The following PLB1 variants were observed in gnomAD, a reference collection of about 807,000 sequenced individuals.
PLB1 encodes phospholipase B1, also known as phospholipase B1, membrane-associated.
Under a neutral mutation model 227.4 loss-of-function variants are expected in PLB1, and 242 were observed. That is an observed-to-expected ratio of 1.06 (90% CI 0.96 to 1.18). The LOEUF is 1.18. PLB1 is among the 50% of genes most tolerant of loss of function. PLB1 has a pLI of 0.00. For synonymous variants in PLB1, 757 were observed against 682.2 expected, an observed-to-expected ratio of 1.11 and a Z score of -1.71; for missense variants, 1,858 against 1,816.3, an observed-to-expected ratio of 1.02 and a Z score of -0.42.
rs1359982489 is a variant in PLB1 at position 28,605,846 on chromosome 2, C to T, written c.2962-7C>T. The T allele has an allele frequency of 5.6e-6, 9 of 1,609,544 alleles. No individual in the cohort carries two copies. Among genetic ancestry groups the T allele is most frequent in the Non-Finnish European group, 7.7e-6 (9 of 1,175,972 alleles). ...GGATCTTGAGGGGGTATATTGGTCT[C>T]TTTCAGGATGGGCTCCCAGATACGT... On this transcript the variant is annotated splice_region_variant and splice_polypyrimidine_tract_variant and intron_variant, in intron 41 of 57. Coordinates refer to ENST00000327757, the MANE Select transcript of PLB1 (RefSeq NM_153021.5).
rs945919415 is a variant in PLB1, at chr2:28,566,900, C to A, written c.1324+61C>A. Reference sequence around the variant, plus strand: ...GGGCGGCCCCTGCACGCTTCCCGCTCCCCCTGCAGGTGGCGCGGGCCTCGG... The same window carrying A: ...GGGCGGCCCCTGCACGCTTCCCGCTACCCCTGCAGGTGGCGCGGGCCTCGG... On this transcript the variant is annotated intron_variant, in intron 20 of 57. Transcript: ENST00000327757. 37 of 1,592,054 alleles carry A rather than the reference C, an allele frequency of 2.3e-5. No individual in the cohort carries two copies. The African/African-American group carries it at 4.8e-4, about 21-fold the overall frequency.
chr2:28,507,353 T>C (rs1667748846), intron 1 of PLB1, among the ~76,000 whole-genome samples: 2 of 152,142 alleles, frequency 1.3e-5, no homozygotes, highest in African/African-American at 4.8e-5. Context: ...AGTACAAGAT[T>C]GAGGGGCTGG....
chr2:28,538,970 C>A, intron 10 of PLB1, 129 bp from the exon 11 acceptor site: 1 of 728,670 alleles, frequency 1.4e-6, no homozygotes, highest in Admixed American at 1.9e-5. Context: ...AAGGATCAGG[C>A]CCAGTTAACC....
Position 28,538,372 on chromosome 2 carries a change from G to T in PLB1, c.609G>T (p.Leu203=). The T allele has an allele frequency of 6.2e-7, 1 of 1,612,200 alleles. No homozygotes were observed. Among genetic ancestry groups the T allele is most frequent in the Non-Finnish European group, 8.5e-7 (1 of 1,179,808 alleles). ...VDELMGVLDY[L]QQEVPRAFVN... is the part of the protein sequence containing the mutation. ...AGCTGATGGGGGTGCTGGACTACCT[G>T]CAGCAGGAGGTGAGGCCACGGGCCT... The change falls in exon 10 of 58, where the codon CTG becomes CTT. Residue 203 remains leucine, a synonymous_variant. Coordinates refer to ENST00000327757, the MANE Select transcript of PLB1 (RefSeq NM_153021.5).
At chr2:28,629,695 C>A (rs1209870740) in intron 53 of PLB1, among the ~76,000 whole-genome samples, 2 of 152,216 alleles carry the variant, frequency 1.3e-5, no homozygotes, top group African/African-American at 4.8e-5. Context: ...ACCAAGACTA[C>A]CAAGAGCAGG....
chr2:28,549,154 G>A (rs1673785062), intron 15 of PLB1, among the ~76,000 whole-genome samples: 2 of 152,178 alleles, frequency 1.3e-5, no homozygotes, highest in Non-Finnish European at 2.9e-5. Context: ...GCCTGTGGAA[G>A]GCATAGGAAC....
At chr2:28,601,657 T>C (rs750938957) in intron 37 of PLB1, among the ~76,000 whole-genome samples, 23 of 152,294 alleles carry the variant, frequency 1.5e-4, no homozygotes, top group Middle Eastern at 6.8e-3. Context: ...AGGAGGAGTC[T>C]CCACTTTCTG....
At chr2:28,561,246 C>T (rs1181770063) in intron 17 of PLB1, among the ~76,000 whole-genome samples, 1 of 152,212 alleles carries the variant, frequency 6.6e-6, no homozygotes, top group East Asian at 1.9e-4. Context: ...CCAAAGCACC[C>T]AGCCACTGCT....
intron 6 of PLB1, among the ~76,000 whole-genome samples, chr2:28,527,182 C>A (rs543751919): frequency 6.6e-6 from 1 of 152,162 alleles, no homozygotes; most frequent in Admixed American, 6.5e-5. Context: ...TTTCTCAGTT[C>A]GTCTCAATTT....
intron 9 of PLB1, 84 bp from the exon 10 acceptor site, chr2:28,538,235 G>T: frequency 1.9e-6 from 3 of 1,551,502 alleles, no homozygotes; most frequent in East Asian, 2.3e-5. Context: ...TGCCTGGCAG[G>T]GATGGGCCTG....
Position 28,538,310 on chromosome 2 carries a change from C to T in PLB1, c.556-9C>T, listed in dbSNP as rs1029411500. The T allele has an allele frequency of 5.6e-6, 9 of 1,613,984 alleles. No individual in the cohort carries two copies. The African/African-American group carries it at 8.0e-5, about 14-fold the overall frequency. On this transcript the variant is annotated splice_polypyrimidine_tract_variant and intron_variant, in intron 9 of 57. Transcript: ENST00000327757. Reference sequence around the variant, plus strand: ...GGCACCCTCACTTAGCACGGTTCTCCTCTCACAGAATGGGCTTGCGGCGGG... The same window carrying T: ...GGCACCCTCACTTAGCACGGTTCTCTTCTCACAGAATGGGCTTGCGGCGGG...
At chr2:28,608,797 T>TG (rs1685043869) in intron 43 of PLB1, among the ~76,000 whole-genome samples, 1 of 152,168 alleles carries the variant, frequency 6.6e-6, no homozygotes, top group South Asian at 2.1e-4. Context: ...GGACACTAAA[T>TG]CGCCTTGATT....
Position 28,620,298 on chromosome 2 carries a change from G to C in PLB1, c.3349G>C (p.Asp1117His), listed in dbSNP as rs1278043446. Reference sequence around the variant, plus strand: ...GGGAGCTCGACCAAACAACTCCAGTGACCTACCCACATCTTGGAGGGGACT... The same window carrying C: ...GGGAGCTCGACCAAACAACTCCAGTCACCTACCCACATCTTGGAGGGGACT... ...AVGARPNNSS[D>H]LPTSWRGLSW... The change falls in exon 47 of 58, where the codon GAC becomes CAC. Residue 1117 changes from aspartate (D) to histidine (H), a missense_variant. Coordinates refer to ENST00000327757, the MANE Select transcript of PLB1 (RefSeq NM_153021.5). 1 of 1,606,264 alleles carries C rather than the reference G, an allele frequency of 6.2e-7. No homozygotes were observed. The highest frequency in any genetic ancestry group is 2.2e-5 in the East Asian group (1 of 44,776).
intron 1 of PLB1, among the ~76,000 whole-genome samples, chr2:28,496,382 G>A (rs762142476): frequency 9.2e-5 from 14 of 152,206 alleles, no homozygotes; most frequent in Non-Finnish European, 1.6e-4. Context: ...GCTGCCGGGA[G>A]CGAGGCAGAT....
intron 1 of PLB1, among the ~76,000 whole-genome samples, chr2:28,516,050 T>G (rs563674520): frequency 2.2e-3 from 333 of 152,330 alleles, no homozygotes; most frequent in Middle Eastern, 0.01. Flanking sequence ...TTGTGGGTGT[T>G]TTTTTCCGCT....
chr2:28,540,920 C>T (rs1164224551), intron 12 of PLB1, among the ~76,000 whole-genome samples: 3 of 152,134 alleles, frequency 2.0e-5, no homozygotes, highest in Non-Finnish European at 4.4e-5. Context: ...CCTGTAATCC[C>T]AGTATTTTGG....
chr2:28,596,989 C>T (rs1425429706), intron 33 of PLB1, among the ~76,000 whole-genome samples: 13 of 152,152 alleles, frequency 8.5e-5, no homozygotes, highest in Non-Finnish European at 1.5e-4. Context: ...CTGGGCCAGG[C>T]GCGGTGGCTC....
At chr2:28,551,071 T>A (rs1274051486) in intron 16 of PLB1, among the ~76,000 whole-genome samples, 2 of 152,230 alleles carry the variant, frequency 1.3e-5, no homozygotes, top group Non-Finnish European at 2.9e-5. Context: ...GCACCTCCTG[T>A]TCCCAATCTG....
chr2:28,548,218 T>C (rs1673602199), intron 14 of PLB1, among the ~76,000 whole-genome samples: 1 of 152,178 alleles, frequency 6.6e-6, no homozygotes, highest in Admixed American at 6.5e-5. Flanking sequence ...AGGGTTTCCA[T>C]TCTCTATTGT....
Sources: gnomAD v4.1 joint callset for allele counts (sites outside exome capture counted in the v4.1 genomes callset) on GRCh38, gnomAD v4.1.1 for gene constraint, MANE v1.5 for transcripts, NCBI Gene and HGNC (gene_info 2026-07-23, HGNC 2026-07-21) for gene names.